Variants in ZNF385D observed in about 807,000 individuals in gnomAD.
ZNF385D encodes zinc finger protein 385D, also known as zinc finger protein 659.
A neutral mutation model predicts 35.8 loss-of-function variants in ZNF385D; 15 were observed. The observed-to-expected ratio is 0.42, with a 90% CI of 0.28 to 0.64. The LOEUF (loss-of-function observed/expected upper bound fraction) is 0.64. Among genes scored for constraint, ZNF385D ranks in the 30% least tolerant of loss-of-function variants. The pLI is 0.23. For synonymous variants in ZNF385D, 212 were observed against 186.8 expected (o/e 1.13, Z -1.10); for missense variants, 474 against 494.6 (o/e 0.96, Z 0.39).
chr3:21,457,601 G>A (rs1702903731), intron 4 of ZNF385D, among the ~76,000 whole-genome samples: 1 of 152,064 alleles, frequency 6.6e-6, no homozygotes, highest in African/African-American at 2.4e-5. Context: ...TGATCCACCT[G>A]CCTTGGTCTC....
chr3:21,881,532 T>C (rs1448386400), intron 3 of ZNF385D, among the ~76,000 whole-genome samples: 1 of 152,042 alleles, frequency 6.6e-6, no homozygotes, highest in Non-Finnish European at 1.5e-5. Context: ...ATTGACAACA[T>C]ACTGGCCACC....
At chr3:21,694,357 C>T (rs1485789785) in intron 1 of ZNF385D, among the ~76,000 whole-genome samples, 1 of 151,992 alleles carries the variant, frequency 6.6e-6, no homozygotes, top group Non-Finnish European at 1.5e-5. Flanking sequence ...TAAGGAGTAC[C>T]TCCTGATGCA....
chr3:22,191,880 G>A (rs1482543890), intron 2 of ZNF385D, among the ~76,000 whole-genome samples: 1 of 150,012 alleles, frequency 6.7e-6, no homozygotes, highest in African/African-American at 2.5e-5. Flanking sequence ...TACTACTGAT[G>A]CTTATTAAAT....
intron 2 of ZNF385D, among the ~76,000 whole-genome samples, chr3:21,569,058 T>A (rs1456822129): frequency 2.6e-5 from 4 of 152,054 alleles, no homozygotes; most frequent in African/African-American, 4.8e-5. Context: ...GGTGGAGAGG[T>A]CTGTAGATGT....
At chr3:21,975,528 TTAAAA>T (rs1245832650) in intron 3 of ZNF385D, among the ~76,000 whole-genome samples, 1 of 151,914 alleles carries the variant, frequency 6.6e-6, no homozygotes, top group Admixed American at 6.6e-5. Flanking sequence ...ATTGTACACT[TTAAAA>T]TAACTAAAAG....
At chr3:22,067,886 G>A (rs1413944169) in intron 3 of ZNF385D, among the ~76,000 whole-genome samples, 2 of 152,066 alleles carry the variant, frequency 1.3e-5, no homozygotes, top group Non-Finnish European at 2.9e-5. Flanking sequence ...GCTGGGCTTG[G>A]TGGCACACCT....
chr3:21,896,640 T>C (rs1368846979), intron 3 of ZNF385D, among the ~76,000 whole-genome samples: 2 of 152,106 alleles, frequency 1.3e-5, no homozygotes, highest in East Asian at 3.9e-4. Context: ...AATTGTGTGA[T>C]TTTAGAGCCA....
intron 3 of ZNF385D, among the ~76,000 whole-genome samples, chr3:21,779,082 G>T (rs929560912): frequency 6.6e-6 from 1 of 151,924 alleles, no homozygotes; most frequent in African/African-American, 2.4e-5. Flanking sequence ...TTAGGCTGGA[G>T]GTGGCAAAAA....
chr3:22,058,292 T>C (rs1195930244), intron 3 of ZNF385D, among the ~76,000 whole-genome samples: 17 of 152,178 alleles, frequency 1.1e-4, no homozygotes, highest in Non-Finnish European at 1.5e-5. Flanking sequence ...AATAAAAATA[T>C]ACAGAAGGGA....
At chr3:22,127,708 A>G (rs1703520573) in intron 3 of ZNF385D, among the ~76,000 whole-genome samples, 1 of 152,126 alleles carries the variant, frequency 6.6e-6, no homozygotes, top group Non-Finnish European at 1.5e-5. Context: ...ATTATTTTAA[A>G]TTGATGACAA....
chr3:22,314,995 G>T (rs891318581), intron 2 of ZNF385D, among the ~76,000 whole-genome samples: 4 of 152,162 alleles, frequency 2.6e-5, no homozygotes, highest in African/African-American at 7.2e-5. Flanking sequence ...AGGTCTTGAA[G>T]AAAGCACCCA....
In ZNF385D at chr3:21,646,063, T is replaced by TAAAAAGAA. The variant is rs2065742190; in HGVS notation, c.165+18815_165+18822dup. ...CATTTACAGGGAATGAGAAAATACC[T>TAAAAAGAA]AAAAAGAATGTGGAGGCTGAGGCCA... is the stretch of plus-strand genomic sequence containing the variant. On this transcript the variant is annotated intron_variant, in intron 2 of 7. Coordinates refer to ENST00000281523, the MANE Select transcript of ZNF385D (RefSeq NM_024697.3). This position sits in a 1 kb window ranked among gnomAD's most constrained non-coding sequence, Gnocchi z 4.3. Among the ~76,000 whole-genome samples, 1 of 152,130 alleles carries TAAAAAGAA rather than the reference T, an allele frequency of 6.6e-6. No individual in the cohort carries two copies. Among genetic ancestry groups the TAAAAAGAA allele is most frequent in the Non-Finnish European group, 1.5e-5 (1 of 68,004 alleles).
intron 3 of ZNF385D, among the ~76,000 whole-genome samples, chr3:21,947,558 G>A (rs1446221632): frequency 6.6e-6 from 1 of 152,070 alleles, no homozygotes; most frequent in Non-Finnish European, 1.5e-5. Flanking sequence ...CACTGTGTTG[G>A]CCAGTCTGGT....
At chr3:21,988,118 C>T (rs1247752175) in intron 3 of ZNF385D, among the ~76,000 whole-genome samples, 4 of 126,708 alleles carry the variant, frequency 3.2e-5, no homozygotes, top group Non-Finnish European at 6.8e-5. Flanking sequence ...GTTTGAATGT[C>T]CTCCCGTAGC....
chr3:21,846,375 G>T (rs1009360769), intron 3 of ZNF385D, among the ~76,000 whole-genome samples: 2 of 152,040 alleles, frequency 1.3e-5, no homozygotes, highest in Non-Finnish European at 2.9e-5. Flanking sequence ...GGTAGGAATA[G>T]TGCTTTTAAA....
At chr3:21,487,908 T>C (rs185696714) in intron 4 of ZNF385D, among the ~76,000 whole-genome samples, 303 of 152,304 alleles carry the variant, frequency 2.0e-3, no homozygotes, top group Non-Finnish European at 3.2e-3. Context: ...ACTTGTACTA[T>C]GTGCTACAAA....
intron 2 of ZNF385D, among the ~76,000 whole-genome samples, chr3:22,285,740 A>G (rs946716171): frequency 1.3e-5 from 2 of 151,966 alleles, no homozygotes; most frequent in Admixed American, 6.6e-5. Flanking sequence ...AGTAGGAAGA[A>G]ATTTTCTAAT....
At position 22,238,753 on chromosome 3, in the gene ZNF385D, G is replaced by C. The variant is rs1379675022; in HGVS notation, c.107-69718C>G. ...TTTTTTATATATAGATTTTTTTTTA[G>C]ACAAGATCTTGCTCTGTCACCCAGA... On this transcript the variant is annotated intron_variant, in intron 2 of 5. Transcript: ENST00000494108. 5.3e-5 allele frequency among the ~76,000 whole-genome samples: 8 copies of C among 150,248 alleles called. No homozygotes were observed. In the East Asian group the frequency reaches 1.6e-3, roughly 29 times the overall value.
rs1425877020 is a variant in ZNF385D at position 21,983,992 on chromosome 3, G to A, written c.325+184825C>T. On this transcript the variant is annotated intron_variant, in intron 3 of 5. Coordinates refer to the ZNF385D transcript ENST00000494108. Reference sequence around the variant, plus strand: ...TGAGAAGTGTCTGTTCATGTCCTTCGCCCACTTTTTGATGGGGTTGTTTGT... The same window carrying A: ...TGAGAAGTGTCTGTTCATGTCCTTCACCCACTTTTTGATGGGGTTGTTTGT... Among the ~76,000 whole-genome samples, 27 of 135,378 alleles carry A rather than the reference G, an allele frequency of 2.0e-4. 1 individual carries two copies. Among genetic ancestry groups the A allele is most frequent in the Non-Finnish European group, 2.4e-4 (16 of 65,750 alleles). 88.8% of individuals were successfully genotyped at this position (135,378 alleles called of 152,430 possible).
Sources: gnomAD v4.1 joint callset for allele counts (sites outside exome capture counted in the v4.1 genomes callset) on GRCh38, gnomAD v4.1.1 for gene constraint, Gnocchi (gnomAD v3.1) non-coding constraint, MANE v1.5 for transcripts, NCBI Gene and HGNC (gene_info 2026-07-23, HGNC 2026-07-21) for gene names.